The following BRWD3 variants were observed in gnomAD, a reference collection of about 807,000 sequenced individuals.
BRWD3 encodes bromodomain and WD repeat domain containing 3.
A neutral mutation model predicts 149.7 loss-of-function variants in BRWD3; 10 were observed. The ratio of observed to expected loss-of-function variants is 0.07; its 90% CI spans 0.04 to 0.11. The LOEUF is 0.11. Among genes scored for constraint, BRWD3 ranks in the 10% least tolerant of loss-of-function variants. The pLI is 1.00. For missense variants in BRWD3, 940 were observed against 1,373.2 expected, an observed-to-expected ratio of 0.68 and a Z score of 4.99; for synonymous variants, 504 against 456.7, an observed-to-expected ratio of 1.10 and a Z score of -1.32.
At chrX:80,795,440 C>T (rs1486702105) in intron 4 of BRWD3, among the ~76,000 whole-genome samples, 17 of 107,866 alleles carry the variant, frequency 1.6e-4, no homozygotes, top group Admixed American at 1.1e-3. Context: ...TATATATACA[C>T]GTATATGTAT....
In BRWD3 at chrX:80,685,426, C is replaced by G. The variant is rs766501282; in HGVS notation, c.4080+36G>C. Reference sequence around the variant, plus strand: ...GTATGGAGAGTTTAGAAAGTAAAAACAATCAATATGTCTTTTAAGAGACTA... The same window carrying G: ...GTATGGAGAGTTTAGAAAGTAAAAAGAATCAATATGTCTTTTAAGAGACTA... On this transcript the variant is annotated intron_variant, in intron 36 of 40. Coordinates refer to ENST00000373275, the MANE Select transcript of BRWD3 (RefSeq NM_153252.5). 13 of 1,126,762 alleles carry G rather than the reference C, an allele frequency of 1.2e-5. No homozygotes were observed. In the South Asian group the frequency reaches 2.4e-4, roughly 21 times the overall value. 92.9% of individuals were successfully genotyped at this position (1,126,762 alleles called of 1,213,427 possible).
chrX:80,769,842 T>TA (rs1161747041), intron 6 of BRWD3, among the ~76,000 whole-genome samples: 1 of 109,028 alleles, frequency 9.2e-6, no homozygotes, highest in Non-Finnish European at 1.9e-5. Context: ...ACAAAACCGA[T>TA]AGACCACTAG....
Position 80,691,097 on chromosome X carries a change from A to T in BRWD3, c.3558T>A (p.Thr1186=). 8.3e-7 allele frequency: 1 copy of T among 1,209,872 alleles called. No homozygotes were observed. Among genetic ancestry groups the T allele is most frequent in the Non-Finnish European group, 1.1e-6 (1 of 893,978 alleles). ...PLYCTVVAYP[T]DLNTIRRRLE... is the part of the protein sequence containing the mutation. ...GTCTCCGCCTGATGGTATTGAGGTC[A>T]GTTGGATAAGCAACTACAGTACAAT... The change falls in exon 31 of 41, where the codon ACT becomes ACA. Residue 1186 remains threonine, a synonymous_variant. Transcript: ENST00000373275.
rs144610382 is a variant in BRWD3, at chrX:80,728,497, T to C, written c.1386+255A>G. ...AAACAAAATAACTTATATGTCCTCA[T>C]TGTATACAATAACATAGTAGATGAG... On this transcript the variant is annotated intron_variant, in intron 14 of 40. Coordinates refer to ENST00000373275, the MANE Select transcript of BRWD3 (RefSeq NM_153252.5). Among the ~76,000 whole-genome samples, 16 of 111,596 alleles carry C rather than the reference T, an allele frequency of 1.4e-4. No individual in the cohort carries two copies. In the East Asian group the frequency reaches 3.1e-3, roughly 22 times the overall value.
intron 14 of BRWD3, among the ~76,000 whole-genome samples, chrX:80,728,018 C>A (rs2147766182): frequency 9.0e-6 from 1 of 111,716 alleles, no homozygotes; most frequent in East Asian, 2.8e-4. Flanking sequence ...ACTTTACATC[C>A]CTCTGATACA....
chrX:80,721,729 A>G (rs905504984), intron 17 of BRWD3, among the ~76,000 whole-genome samples: 4 of 111,926 alleles, frequency 3.6e-5, no homozygotes, highest in Admixed American at 2.9e-4. Context: ...TGCTTTTCCA[A>G]TATCTCCCAA....
chrX:80,770,093 A>C (rs951698080), intron 6 of BRWD3, among the ~76,000 whole-genome samples: 1 of 111,689 alleles, frequency 9.0e-6, no homozygotes, highest in Non-Finnish European at 1.9e-5. Context: ...AGGCTCTAAA[A>C]TTGAGGCAAT....
intron 16 of BRWD3, among the ~76,000 whole-genome samples, 174 bp from the exon 17 acceptor site, chrX:80,722,961 T>A (rs1056427028): frequency 2.1e-4 from 23 of 111,389 alleles, no homozygotes; most frequent in Non-Finnish European, 1.3e-4. Flanking sequence ...ACCTAAATGG[T>A]AATTCTCTTT....
At chrX:80,729,471 G>C (rs1041429333) in intron 13 of BRWD3, among the ~76,000 whole-genome samples, 2 of 111,575 alleles carry the variant, frequency 1.8e-5, no homozygotes, top group African/African-American at 6.5e-5. Flanking sequence ...CAACAGTGAA[G>C]ATGACAAAAC....
intron 22 of BRWD3, among the ~76,000 whole-genome samples, chrX:80,706,404 C>T (rs759414601): frequency 2.7e-5 from 3 of 111,552 alleles, no homozygotes; most frequent in African/African-American, 6.5e-5. Context: ...CCACCACGTT[C>T]GGCAAATTTT....
chrX:80,677,243 T>C lies in BRWD3; in HGVS notation c.4775A>G (p.Lys1592Arg), dbSNP rs1317913064. The C allele has an allele frequency of 1.7e-6, 2 of 1,209,202 alleles. No individual in the cohort carries two copies. The highest frequency in any genetic ancestry group is 1.7e-5 in the African/African-American group (1 of 57,168). The change falls in exon 41 of 41, where the codon AAA (lysine) becomes AGA (arginine). Residue 1592 changes from lysine to arginine, a missense_variant. Coordinates refer to ENST00000373275, the MANE Select transcript of BRWD3 (RefSeq NM_153252.5). Reference sequence around the variant, plus strand: ...ATGAGATTTCTCTTTTGTTTCTTTTTTCTCTTTATCTTCTCCTCCCATGTT... The same window carrying C: ...ATGAGATTTCTCTTTTGTTTCTTTTCTCTCTTTATCTTCTCCTCCCATGTT... ...DENMGGEDKEKKETKEKSHLS... is the reference protein window; with the variant it reads ...DENMGGEDKERKETKEKSHLS...
At chrX:80,700,181 A>G (rs982824120) in intron 24 of BRWD3, 117 bp from the exon 25 acceptor site, 6 of 556,767 alleles carry the variant, frequency 1.1e-5, no homozygotes, top group Middle Eastern at 5.4e-4. Context: ...ATAATATTGA[A>G]AGACTTTATA....
rs1569240496 is a variant in BRWD3, at chrX:80,670,013, AAAATTAT to A, written c.*6589_*6595del. Reference sequence around the variant, plus strand: ...TTAAAACTAGATGTCTAGAATAATTAAAATTATAAGATTTTATAATTATAATTAGATG... The same window carrying A: ...TTAAAACTAGATGTCTAGAATAATTAAAGATTTTATAATTATAATTAGATG... On this transcript the variant is annotated 3_prime_UTR_variant, in exon 41 of 41. Transcript: ENST00000373275. 9.0e-6 allele frequency among the ~76,000 whole-genome samples: 1 copy of A among 111,121 alleles called. No individual in the cohort carries two copies. Among genetic ancestry groups the A allele is most frequent in the Non-Finnish European group, 1.9e-5 (1 of 52,976 alleles).
At position 80,706,584 on chromosome X, in the gene BRWD3, G is replaced by T. The variant is rs182120425; in HGVS notation, c.2552+843C>A. ...TCTCCACATCTTTTCCTGTTCAACG[G>T]AAGGTATTCAGAGACAAAAACACAT... is the stretch of plus-strand genomic sequence containing the variant. On this transcript the variant is annotated intron_variant, in intron 22 of 40. Transcript: ENST00000373275. Among the ~76,000 whole-genome samples the T allele has an allele frequency of 8.0e-5, 9 of 112,042 alleles. No individual in the cohort carries two copies. The East Asian group carries it at 2.5e-3, about 31-fold the overall frequency.
At chrX:80,733,556 T>C in intron 11 of BRWD3, 60 bp from the exon 12 acceptor site, 4 of 933,360 alleles carry the variant, frequency 4.3e-6, no homozygotes, top group Non-Finnish European at 6.1e-6. Context: ...AATTAAGTGC[T>C]CTTTCTCTCA....
Position 80,676,918 on chromosome X carries a change from A to G in BRWD3, c.5100T>C (p.Gly1700=), listed in dbSNP as rs140852252. The G allele has an allele frequency of 9.2e-3, 10,982 of 1,200,103 alleles. 47 individuals are homozygous for G. The highest frequency in any genetic ancestry group is 0.018 in the East Asian group (611 of 33,530). ...TTCCCCTCCCCCTAGTGCCACCTCC[A>G]CCTCTTCCTCGACTCCCTCGTCCCC... ...GGRGRGSRGR[G]GGGTRGRGRG... is the part of the protein sequence containing the mutation. Residue 1700 remains glycine, a synonymous_variant, in exon 41 of 41, where the codon GGT becomes GGC. Coordinates refer to ENST00000373275, the MANE Select transcript of BRWD3 (RefSeq NM_153252.5).
chrX:80,741,025 A>G (rs762558692), intron 8 of BRWD3, among the ~76,000 whole-genome samples: 60 of 110,848 alleles, frequency 5.4e-4, no homozygotes, highest in African/African-American at 1.9e-3. Flanking sequence ...TCATCATTTA[A>G]CATTAGGTAT....
At chrX:80,767,132 C>T (rs1388343840) in intron 6 of BRWD3, among the ~76,000 whole-genome samples, 2 of 112,095 alleles carry the variant, frequency 1.8e-5, no homozygotes, top group Non-Finnish European at 3.8e-5. Context: ...CGGAGCCCAC[C>T]TCAGCTCAGC....
chrX:80,687,987 C>T (rs781487765), intron 34 of BRWD3, 82 bp downstream of exon 34: 18 of 721,514 alleles, frequency 2.5e-5, no homozygotes, highest in South Asian at 1.1e-4. Flanking sequence ...TAGCAATTCT[C>T]CAAATATGGG....
Sources: gnomAD v4.1 joint callset for allele counts (sites outside exome capture counted in the v4.1 genomes callset) on GRCh38, gnomAD v4.1.1 for gene constraint, MANE v1.5 for transcripts, NCBI Gene and HGNC (gene_info 2026-07-23, HGNC 2026-07-21) for gene names.